Variants in OFD1 observed in about 807,000 individuals in gnomAD.
OFD1 encodes the protein centriole and centriolar satellite protein OFD1.
OFD1 carries 12 observed loss-of-function variants against 81.4 expected under a neutral mutation model. That is an observed-to-expected ratio of 0.15 (90% CI 0.09 to 0.24). The LOEUF (loss-of-function observed/expected upper bound fraction) is 0.24. OFD1 is among the 10% of genes least tolerant of loss of function. The pLI is 1.00. For synonymous variants in OFD1, 256 were observed against 263.7 expected, an observed-to-expected ratio of 0.97 and a Z score of 0.28; for missense variants, 685 against 733.9, an observed-to-expected ratio of 0.93 and a Z score of 0.77.
upstream of OFD1, among the ~76,000 whole-genome samples, chrX:13,732,498 A>G (rs2046697019): frequency 8.8e-6 from 1 of 113,136 alleles, no homozygotes; most frequent in African/African-American, 3.2e-5. Context: ...GGCGCTGAGA[A>G]AGATTCTGAG....
the OFD1 span, among the ~76,000 whole-genome samples, chrX:13,719,669 A>C: frequency 6.9e-4 from 77 of 111,844 alleles, no homozygotes; most frequent in East Asian, 0.011. Context: ...GGAATGCCAG[A>C]GCGTCATGCT....
downstream of OFD1, chrX:13,773,088 C>T (rs1602957238): frequency 2.2e-5 from 24 of 1,072,998 alleles, no homozygotes; most frequent in Non-Finnish European, 3.0e-5. Context: ...CAAAGCGAGG[C>T]GCTAGTTAGA....
chrX:13,766,277 C>T (rs376430271), intron 19 of OFD1, among the ~76,000 whole-genome samples: 15 of 111,858 alleles, frequency 1.3e-4, no homozygotes, highest in East Asian at 8.4e-4. Context: ...AGACTGGCTT[C>T]AGGAAGAGCC....
the OFD1 span, among the ~76,000 whole-genome samples, chrX:13,723,308 T>C: frequency 5.5e-5 from 6 of 109,938 alleles, no homozygotes; most frequent in Non-Finnish European, 9.5e-5. Context: ...GCCAGGAGTA[T>C]AGGCATGTGC....
intron 17 of OFD1, 25 bp downstream of exon 17, chrX:13,761,236 A>G: frequency 8.3e-7 from 1 of 1,205,405 alleles, no homozygotes; most frequent in Non-Finnish European, 1.1e-6. Context: ...CTGATTGATT[A>G]GCTTCAGCTG....
At chrX:13,768,874 A>G in intron 22 of OFD1, 89 bp downstream of exon 22, 1 of 873,026 alleles carries the variant, frequency 1.1e-6, no homozygotes, top group Non-Finnish European at 1.7e-6. Flanking sequence ...GATTGCCTGT[A>G]AGAAGTTATT....
At chrX:13,756,080 A>G (rs745563555) in intron 12 of OFD1, among the ~76,000 whole-genome samples, 2 of 106,085 alleles carry the variant, frequency 1.9e-5, no homozygotes, top group East Asian at 3.0e-4. Context: ...TCAGCTCCCA[A>G]GTAGCTGGGA....
At chrX:13,729,009 A>G in the OFD1 span, among the ~76,000 whole-genome samples, 1 of 112,007 alleles carries the variant, frequency 8.9e-6, no homozygotes. Context: ...TGCTACAAAG[A>G]GAATAAAATA....
chrX:13,762,510 C>T (rs1029773824), intron 18 of OFD1, 66 bp downstream of exon 18: 8 of 692,949 alleles, frequency 1.2e-5, no homozygotes, highest in Admixed American at 2.5e-5. Flanking sequence ...TTTGGTGAAA[C>T]GTATCCATTG....
intron 10 of OFD1, among the ~76,000 whole-genome samples, chrX:13,752,447 C>T (rs1183052523): frequency 8.9e-6 from 1 of 112,197 alleles, no homozygotes; most frequent in East Asian, 2.8e-4. Context: ...CATCGATATT[C>T]CATTACATAA....
chrX:13,766,317 G>A (rs2048125436), intron 19 of OFD1, among the ~76,000 whole-genome samples: 1 of 111,643 alleles, frequency 9.0e-6, no homozygotes, highest in Non-Finnish European at 1.9e-5. Flanking sequence ...AGTCCAGGGA[G>A]ATGGTGAGAA....
chrX:13,724,122 T>C, the OFD1 span, among the ~76,000 whole-genome samples: 1 of 111,150 alleles, frequency 9.0e-6, no homozygotes, highest in Admixed American at 9.6e-5. Flanking sequence ...AGATTCTTGT[T>C]TGGCTCTCAA....
At chrX:13,765,800 GTAAT>G (rs1197080270) in intron 19 of OFD1, among the ~76,000 whole-genome samples, 1 of 112,107 alleles carries the variant, frequency 8.9e-6, no homozygotes, top group Non-Finnish European at 1.9e-5. Context: ...GAACAGACAA[GTAAT>G]TAAAGTATGG....
Position 13,746,911 on chromosome X carries a change from T to C in OFD1, c.786T>C (p.Leu262=), listed in dbSNP as rs753792555. The part of the protein sequence containing the change: ...ACQAKSEALV[L]REKSTLERIH... ...AAGCAAAATCTGAAGCTCTCGTTCTTCGGGAAAAGAGTACCCTTGAAAGAA... is the reference window on the plus strand; with the variant it reads ...AAGCAAAATCTGAAGCTCTCGTTCTCCGGGAAAAGAGTACCCTTGAAAGAA... The change falls in exon 8 of 23, where the codon CTT becomes CTC. Residue 262 remains leucine, a synonymous_variant. Coordinates refer to ENST00000340096, the MANE Select transcript of OFD1 (RefSeq NM_003611.3). 2 of 1,209,716 alleles carry C rather than the reference T, an allele frequency of 1.7e-6. No homozygotes were observed. Among genetic ancestry groups the C allele is most frequent in the African/African-American group, 3.5e-5 (2 of 57,133 alleles).
rs758293823 is a variant in OFD1, at chrX:13,757,669, A to C, written c.1421A>C (p.Gln474Pro). Reference sequence around the variant, plus strand: ...TTTTTTACCTTCTTAGGCCTAGCTCAGCCGGCTCCTGAACTTGCAGTCTTT... The same window carrying C: ...TTTTTTACCTTCTTAGGCCTAGCTCCGCCGGCTCCTGAACTTGCAGTCTTT... ...ENLRLLNRLA[Q>P]PAPELAVFQK... The change falls in exon 14 of 23, where the codon CAG becomes CCG. Residue 474 changes from glutamine (Q) to proline (P), a missense_variant. This residue lies in a region of OFD1 where 414 missense variants were observed against 447.2 expected (regional missense o/e 0.93). Transcript: ENST00000340096. 10 of 1,208,377 alleles carry C rather than the reference A, an allele frequency of 8.3e-6. No individual in the cohort carries two copies. The Admixed American group carries it at 2.2e-4, about 26-fold the overall frequency.
chrX:13,716,050 T>C, the OFD1 span: 5 of 1,192,395 alleles, frequency 4.2e-6, no homozygotes, highest in Non-Finnish European at 5.7e-6. Context: ...CTTTATTCCA[T>C]CTTCTTGTCT....
At chrX:13,766,077 C>T (rs888591314) in intron 19 of OFD1, among the ~76,000 whole-genome samples, 1 of 111,891 alleles carries the variant, frequency 8.9e-6, no homozygotes, top group Non-Finnish European at 1.9e-5. Context: ...TGGGTTGGTA[C>T]AGATGAAATA....
At chrX:13,740,414 T>C (rs750548439) in intron 5 of OFD1, among the ~76,000 whole-genome samples, 36 of 112,478 alleles carry the variant, frequency 3.2e-4, no homozygotes, top group African/African-American at 1.1e-3. Context: ...GACTACCATA[T>C]TAGCATAATT....
rs147342417 is a variant in OFD1, at chrX:13,762,156, A to T, written c.2388-188A>T. On this transcript the variant is annotated intron_variant, in intron 17 of 22. Transcript: ENST00000340096. ...ACAGCATGAAATAGTTACAAGGAGT[A>T]ACTGATTAAACAGGTATTAATTGCT... Among the ~76,000 whole-genome samples the T allele has an allele frequency of 6.7e-3, 742 of 111,557 alleles. 4 individuals carry two copies. The highest frequency in any genetic ancestry group is 0.023 in the African/African-American group (710 of 30,661).
Sources: allele counts gnomAD v4.1 joint callset (sites outside exome capture counted in the v4.1 genomes callset), GRCh38; gene constraint gnomAD v4.1.1; regional missense constraint gnomAD v4.1.1; transcripts MANE v1.5; gene names NCBI Gene and HGNC (gene_info 2026-07-23, HGNC 2026-07-21).